Variants in SORCS1 observed in about 807,000 individuals in gnomAD.
SORCS1 encodes the protein VPS10 domain-containing receptor SorCS1.
In SORCS1, 60 loss-of-function variants were observed where a neutral mutation model predicts 146.1. That is an observed-to-expected ratio of 0.41 (90% CI 0.33 to 0.51). The LOEUF (loss-of-function observed/expected upper bound fraction) is 0.51. Ranked by LOEUF, SORCS1 falls within the 20% of genes least tolerant of loss-of-function variation. SORCS1 has a pLI of 0.21. For missense variants in SORCS1, 1,352 were observed against 1,487.6 expected (o/e 0.91, Z 1.50); for synonymous variants, 637 against 584.0 (o/e 1.09, Z -1.31).
Position 106,611,999 on chromosome 10 carries a change from G to C in SORCS1, c.2945C>G (p.Ser982Cys). The C allele has an allele frequency of 6.2e-7, 1 of 1,614,082 alleles. No individual in the cohort carries two copies. The highest frequency in any genetic ancestry group is 8.5e-7 in the Non-Finnish European group (1 of 1,179,960). The change falls in exon 22 of 26, where the codon TCC becomes TGC. Residue 982 changes from serine to cysteine, a missense_variant. This residue lies in a region of SORCS1 where 648 missense variants were observed against 793.8 expected (regional missense o/e 0.82). Coordinates refer to ENST00000263054, the MANE Select transcript of SORCS1 (RefSeq NM_052918.5). ...VYEEFRSLRL[S>C]FSPNLDDYNP... is the part of the protein sequence containing the mutation. ...GTAGTCATCCAGGTTTGGAGAAAAG[G>C]ACAAGCGAAGAGACCGGAATTCCTC...
intron 19 of SORCS1, among the ~76,000 whole-genome samples, chr10:106,621,717 A>G (rs1367890086): frequency 1.3e-5 from 2 of 151,638 alleles, no homozygotes; most frequent in Admixed American, 6.6e-5. Flanking sequence ...CCAGGAGCCC[A>G]CTCCAGAAAC....
chr10:106,654,778 C>T (rs186627380), intron 17 of SORCS1, among the ~76,000 whole-genome samples: 227 of 152,286 alleles, frequency 1.5e-3, no homozygotes, highest in Non-Finnish European at 2.5e-3. Flanking sequence ...ACCAAAACTC[C>T]GCTCCAGACA....
intron 1 of SORCS1, among the ~76,000 whole-genome samples, chr10:107,118,284 T>C (rs2134514213): frequency 6.6e-6 from 1 of 152,324 alleles, no homozygotes; most frequent in Non-Finnish European, 1.5e-5. Flanking sequence ...GATCTTGGAC[T>C]TCCCAGCCTT....
chr10:107,079,477 T>C (rs1400403317), intron 1 of SORCS1, among the ~76,000 whole-genome samples: 1 of 152,166 alleles, frequency 6.6e-6, no homozygotes, highest in Non-Finnish European at 1.5e-5. Flanking sequence ...TACTGATTCC[T>C]GAAGAAGACA....
At chr10:107,052,240 C>T (rs1227617255) in intron 1 of SORCS1, among the ~76,000 whole-genome samples, 1 of 152,122 alleles carries the variant, frequency 6.6e-6, no homozygotes, top group African/African-American at 2.4e-5. Context: ...CATTTCTCAG[C>T]ACTGGGAATC....
intron 1 of SORCS1, among the ~76,000 whole-genome samples, chr10:107,084,594 A>G (rs1963624009): frequency 6.6e-6 from 1 of 152,166 alleles, no homozygotes; most frequent in Admixed American, 6.5e-5. Context: ...ATGAAAAAAT[A>G]AAATGTAATT....
At chr10:106,840,943 C>T (rs1362860708) in intron 2 of SORCS1, among the ~76,000 whole-genome samples, 1 of 150,732 alleles carries the variant, frequency 6.6e-6, no homozygotes, top group East Asian at 2.0e-4. Flanking sequence ...GCAACCTCCA[C>T]CTCCCAGGTT....
intron 2 of SORCS1, among the ~76,000 whole-genome samples, chr10:106,856,312 G>A (rs1416521168): frequency 2.0e-5 from 3 of 152,166 alleles, no homozygotes; most frequent in Non-Finnish European, 2.9e-5. Context: ...CTACAGGCGT[G>A]AGCCACCCCG....
chr10:106,974,841 T>C (rs1469840830), intron 1 of SORCS1, among the ~76,000 whole-genome samples: 7 of 152,160 alleles, frequency 4.6e-5, no homozygotes, highest in Non-Finnish European at 1.0e-4. Context: ...CAAGGTTTTG[T>C]TAAGGGCGGA....
intron 3 of SORCS1, among the ~76,000 whole-genome samples, chr10:106,816,870 T>C (rs549533432): frequency 2.0e-5 from 3 of 152,240 alleles, no homozygotes; most frequent in South Asian, 2.1e-4. Context: ...TGGATTTTAA[T>C]TGGTGCCTAG....
intron 8 of SORCS1, among the ~76,000 whole-genome samples, chr10:106,702,491 A>T (rs1487483476): frequency 6.6e-6 from 1 of 152,154 alleles, no homozygotes; most frequent in Non-Finnish European, 1.5e-5. Context: ...ACTTCTCCCA[A>T]GACTTTATTT....
At position 107,153,490 on chromosome 10, in the gene SORCS1, T is replaced by G. The variant is rs549670282; in HGVS notation, c.558+10479A>C. Among the ~76,000 whole-genome samples the G allele has an allele frequency of 2.0e-5, 3 of 152,348 alleles. No individual in the cohort carries two copies. The South Asian group carries it at 6.2e-4, about 32-fold the overall frequency. ...GGAGGTCACTGGAATTTCTGGGATA[T>G]ATAGTCAGGTTGGTGAAACTACCAT... On this transcript the variant is annotated intron_variant, in intron 1 of 25. Transcript: ENST00000263054.
chr10:106,864,487 A>G (rs1211156794), intron 2 of SORCS1, among the ~76,000 whole-genome samples: 1 of 152,182 alleles, frequency 6.6e-6, no homozygotes, highest in Non-Finnish European at 1.5e-5. Flanking sequence ...GCACATGCAG[A>G]GACGTGGGAA....
intron 21 of SORCS1, among the ~76,000 whole-genome samples, chr10:106,616,136 T>C (rs1420037864): frequency 2.0e-5 from 3 of 152,138 alleles, no homozygotes; most frequent in Admixed American, 2.0e-4. Context: ...TAATTCCCTA[T>C]GTCTGGGCCA....
intron 24 of SORCS1, among the ~76,000 whole-genome samples, chr10:106,588,601 G>A (rs865952408): frequency 6.6e-6 from 1 of 151,678 alleles, no homozygotes; most frequent in African/African-American, 2.4e-5. Flanking sequence ...GTGGCTCATG[G>A]CTGTAATCCC....
rs996908547 is a variant in SORCS1 at position 107,104,841 on chromosome 10, G to A, written c.558+59128C>T. ...AGTTATAGGAAAGAACAGGTCAGCAGTTTGTTGCCAGAGGTAAGAAACAAA... is the reference window on the plus strand; with the variant it reads ...AGTTATAGGAAAGAACAGGTCAGCAATTTGTTGCCAGAGGTAAGAAACAAA... On this transcript the variant is annotated intron_variant, in intron 1 of 25. Coordinates refer to ENST00000263054, the MANE Select transcript of SORCS1 (RefSeq NM_052918.5). Among the ~76,000 whole-genome samples the A allele has an allele frequency of 2.6e-5, 4 of 152,194 alleles. 1 individual carries two copies. Among genetic ancestry groups the A allele is most frequent in the Admixed American group, 2.0e-4 (3 of 15,272 alleles).
intron 2 of SORCS1, among the ~76,000 whole-genome samples, chr10:106,909,091 G>C (rs374940460): frequency 4.6e-5 from 7 of 152,136 alleles, no homozygotes; most frequent in Non-Finnish European, 1.0e-4. Flanking sequence ...GCAGTTCCTT[G>C]CCCTCTCCAC....
chr10:106,602,908 G>C (rs1265901128), intron 23 of SORCS1, among the ~76,000 whole-genome samples: 3 of 152,092 alleles, frequency 2.0e-5, no homozygotes, highest in Non-Finnish European at 2.9e-5. Flanking sequence ...CTGTCACCCT[G>C]CTCCCTATCG....
rs576333366 is a variant in SORCS1, at chr10:106,713,772, G to T, written c.1025-4431C>A. On this transcript the variant is annotated intron_variant, in intron 6 of 25. Transcript: ENST00000263054. ...CTTTGGTTTATTTCTAGTATACTGTGTTGCATGAAAAATCCCAGTAAGTTT... is the reference window on the plus strand; with the variant it reads ...CTTTGGTTTATTTCTAGTATACTGTTTTGCATGAAAAATCCCAGTAAGTTT... Among the ~76,000 whole-genome samples the T allele has an allele frequency of 3.3e-5, 5 of 152,248 alleles. No individual in the cohort carries two copies. The South Asian group carries it at 8.3e-4, about 25-fold the overall frequency.
Sources: allele counts gnomAD v4.1 joint callset (sites outside exome capture counted in the v4.1 genomes callset), GRCh38; gene constraint gnomAD v4.1.1; regional missense constraint gnomAD v4.1.1; transcripts MANE v1.5; gene names NCBI Gene and HGNC (gene_info 2026-07-23, HGNC 2026-07-21).